The following WNT5B variants were observed in gnomAD, a reference collection of about 807,000 sequenced individuals.
The protein encoded by WNT5B is protein Wnt-5b.
A neutral mutation model predicts 36.5 loss-of-function variants in WNT5B; 18 were observed. That is an observed-to-expected ratio of 0.49 (90% CI 0.34 to 0.73). WNT5B has a LOEUF of 0.73. WNT5B is among the 30% of genes least tolerant of loss of function. WNT5B has a pLI of 0.01. For missense variants in WNT5B, 424 were observed against 508.4 expected (o/e 0.83, Z 1.60); for synonymous variants, 213 against 212.3 (o/e 1.00, Z -0.03).
chr12:1,635,393 T>G (rs929263396), intron 3 of WNT5B, among the ~76,000 whole-genome samples: 1 of 152,180 alleles, frequency 6.6e-6, no homozygotes, highest in African/African-American at 2.4e-5. Flanking sequence ...CGTAAAAGGC[T>G]TAATAGTTGT....
chr12:1,640,679 C>A (rs999309018), intron 4 of WNT5B, among the ~76,000 whole-genome samples: 1 of 152,226 alleles, frequency 6.6e-6, no homozygotes, highest in Non-Finnish European at 1.5e-5. Context: ...AGCTTCTGGG[C>A]CCCTAGGTGG....
At chr12:1,623,184 G>GGTTTTTTTTTTT (rs1272170104) in intron 1 of WNT5B, among the ~76,000 whole-genome samples, 14 of 53,514 alleles carry the variant, frequency 2.6e-4, no homozygotes, top group African/African-American at 9.6e-4. Flanking sequence ...AGGGTTTTTT[G>GGTTTTTTTTTTT]TTGTTTTTTT....
rs1174662991 is a variant in WNT5B at position 1,632,888 on chromosome 12, G to C, written c.311G>C (p.Gly104Ala). 1 of 1,611,532 alleles carries C rather than the reference G, an allele frequency of 6.2e-7. No individual in the cohort carries two copies. Among genetic ancestry groups the C allele is most frequent in the Non-Finnish European group, 8.5e-7 (1 of 1,178,040 alleles). ...ACAGCGGACAACGCATCTGTCTTTG[G>C]GAGAGTCATGCAGATAGGTAAGAGG... ...CSTADNASVF[G>A]RVMQIGSRET... The change falls in exon 3 of 5, where the codon GGG (glycine) becomes GCG (alanine). Residue 104 changes from glycine (G) to alanine (A), a missense_variant. Gly to Ala is a moderately conservative substitution (Grantham distance 60). Transcript: ENST00000397196. This position sits in a 1 kb window ranked among gnomAD's most constrained non-coding sequence, Gnocchi z 5.8.
chr12:1,617,143 G>T (rs1411693745), exon 1 of WNT5B: 1 of 152,198 alleles, frequency 6.6e-6, no homozygotes, highest in African/African-American at 2.4e-5. Context: ...ACTGGAATCA[G>T]GTGAGGCCAT....
rs745419836 is a variant in WNT5B at position 1,645,902 on chromosome 12, C to T, written c.730C>T (p.Arg244Trp). 21 of 1,611,110 alleles carry T rather than the reference C, an allele frequency of 1.3e-5. No individual in the cohort carries two copies. Among genetic ancestry groups the T allele is most frequent in the South Asian group, 8.8e-5 (8 of 91,050 alleles). Residue 244 changes from arginine (R) to tryptophan (W), a missense_variant, in exon 5 of 5, where the codon CGG (arginine) becomes TGG (tryptophan). Coordinates refer to ENST00000397196, the MANE Select transcript of WNT5B (RefSeq NM_032642.3). Reference sequence around the variant, plus strand: ...GGCCGAGTTCCGCAAGGTCGGGGACCGGCTGAAGGAGAAGTACGACAGCGC... The same window carrying T: ...GGCCGAGTTCCGCAAGGTCGGGGACTGGCTGAAGGAGAAGTACGACAGCGC... ...QLAEFRKVGDRLKEKYDSAAA... is the reference protein window; with the variant it reads ...QLAEFRKVGDWLKEKYDSAAA...
At chr12:1,643,686 C>CTTTTTTTTTTTTTT (rs368172169) in intron 4 of WNT5B, among the ~76,000 whole-genome samples, 2 of 97,446 alleles carry the variant, frequency 2.1e-5, no homozygotes, top group Non-Finnish European at 3.8e-5. Flanking sequence ...TTTTTGAAAG[C>CTTTTTTTTTTTTTT]TTTTTTTTTT....
In WNT5B at chr12:1,644,568, C is replaced by T. The variant is rs7132752; in HGVS notation, c.622-1226C>T. Among the ~76,000 whole-genome samples the T allele has an allele frequency of 0.043, 6,594 of 152,298 alleles. 211 individuals carry two copies. Among genetic ancestry groups the T allele is most frequent in the Non-Finnish European group, 0.071 (4,841 of 68,028 alleles). ...GTCTCTGCTTAGCTCTGAATAAAGA[C>T]ACAATCTGGGGGCTCTTGAAAAGAA... On this transcript the variant is annotated intron_variant, in intron 4 of 4. Coordinates refer to ENST00000397196, the MANE Select transcript of WNT5B (RefSeq NM_032642.3). The surrounding 1 kb of genome is among the most constrained non-coding windows in gnomAD (Gnocchi z 5.1).
rs75832021 is a variant in WNT5B at position 1,617,853 on chromosome 12, C to G, written c.-58+710C>G. 3.2e-3 allele frequency among the ~76,000 whole-genome samples: 487 copies of G among 152,102 alleles called. 2 individuals carry two copies. The highest frequency in any genetic ancestry group is 0.011 in the African/African-American group (466 of 41,474). On this transcript the variant is annotated intron_variant, in intron 1 of 4. Transcript: ENST00000310594. The stretch of plus-strand genomic sequence containing the variant: ...GTAAACATTGTGTTAGTCAAAGACA[C>G]TTGGGCTGGGCGCAGTGGCTCATGC...
In WNT5B at chr12:1,645,818, G is replaced by A; in HGVS notation, c.646G>A (p.Ala216Thr). The A allele has an allele frequency of 6.3e-7, 1 of 1,595,368 alleles. No homozygotes were observed. Among genetic ancestry groups the A allele is most frequent in the Non-Finnish European group, 8.6e-7 (1 of 1,168,808 alleles). The change falls in exon 5 of 5, where the codon GCC becomes ACC. Residue 216 changes from alanine to threonine, a missense_variant. Ala to Thr is a moderately conservative substitution (Grantham distance 58). Coordinates refer to ENST00000397196, the MANE Select transcript of WNT5B (RefSeq NM_032642.3). Reference protein sequence around the residue: ...RRAVYKMADVACKCHGVSGSC... With the variant: ...RRAVYKMADVTCKCHGVSGSC... ...GGCTGTGTATAAGATGGCAGACGTA[G>A]CCTGCAAATGCCACGGCGTCTCGGG...
At chr12:1,642,022 C>A (rs1351028159) in intron 4 of WNT5B, among the ~76,000 whole-genome samples, 1 of 152,132 alleles carries the variant, frequency 6.6e-6, no homozygotes, top group Admixed American at 6.5e-5. Flanking sequence ...TTCCCCTATC[C>A]AGAGGCTATT....
At chr12:1,625,979 CTTT>C (rs547219559), upstream of WNT5B, among the ~76,000 whole-genome samples, 15 of 134,388 alleles carry the variant, frequency 1.1e-4, no homozygotes, top group Non-Finnish European at 1.1e-4. Flanking sequence ...TTTTCTCTCT[CTTT>C]TTTTTTTTTT....
Position 1,645,872 on chromosome 12 carries a change from C to T in WNT5B, c.700C>T (p.Gln234Ter). The T allele has an allele frequency of 1.2e-6, 2 of 1,611,238 alleles. No individual in the cohort carries two copies. The highest frequency in any genetic ancestry group is 8.5e-7 in the Non-Finnish European group (1 of 1,179,320). ...CTGCAGCCTCAAGACCTGCTGGCTG[C>T]AGCTGGCCGAGTTCCGCAAGGTCGG... Reference protein sequence around the residue: ...GSCSLKTCWLQLAEFRKVGDR... With the variant: ...GSCSLKTCWL Residue 234 changes from glutamine (Q) to a stop codon, truncating the protein, a stop_gained, in exon 5 of 5, where the codon CAG (glutamine) becomes TAG (stop). Coordinates refer to ENST00000397196, the MANE Select transcript of WNT5B (RefSeq NM_032642.3). LOFTEE classifies it high-confidence loss of function.
At chr12:1,641,340 C>T (rs1213486142) in intron 4 of WNT5B, among the ~76,000 whole-genome samples, 3 of 146,806 alleles carry the variant, frequency 2.0e-5, no homozygotes, top group Non-Finnish European at 4.5e-5. Context: ...GAGCCTAGAT[C>T]ACACCATTGC....
At chr12:1,628,199 C>T (rs576495796), upstream of WNT5B, among the ~76,000 whole-genome samples, 1 of 151,624 alleles carries the variant, frequency 6.6e-6, no homozygotes, top group South Asian at 2.1e-4. Flanking sequence ...CTCTGTCACC[C>T]GGCTGGAGTG....
upstream of WNT5B, among the ~76,000 whole-genome samples, chr12:1,625,646 A>G (rs144197970): frequency 8.7e-4 from 133 of 152,262 alleles, no homozygotes; most frequent in Admixed American, 2.5e-3. Flanking sequence ...AAAATTGCAA[A>G]TGTACTTTTA....
At chr12:1,617,267 T>G (rs1275934773) in intron 1 of WNT5B, 1 of 151,186 alleles carries the variant, frequency 6.6e-6, no homozygotes, top group Non-Finnish European at 1.5e-5. Flanking sequence ...TTATAAATGG[T>G]GACTATGCAT....
rs758687418 is a variant in WNT5B, at chr12:1,639,664, G to T, written c.329-20G>T. The T allele has an allele frequency of 1.1e-5, 17 of 1,506,960 alleles. No homozygotes were observed. Among genetic ancestry groups the T allele is most frequent in the Middle Eastern group, 3.5e-4 (2 of 5,658 alleles). The allele number at this position is 1,506,960 out of a possible 1,614,324, so 93.3% of individuals were successfully genotyped here. ...GGAGAGGAGAGCGCACCCGCTTACC[G>T]CCCTGGCCTCATTCTGCAGGCAGCC... is the stretch of plus-strand genomic sequence containing the variant. On this transcript the variant is annotated intron_variant, in intron 3 of 4. Transcript: ENST00000397196.
At chr12:1,624,124 C>T (rs988439400) in intron 1 of WNT5B, among the ~76,000 whole-genome samples, 15 of 152,164 alleles carry the variant, frequency 9.9e-5, no homozygotes, top group African/African-American at 3.4e-4. Flanking sequence ...CCGCGGCTCA[C>T]GCCTGTAATC....
Position 1,646,030 on chromosome 12 carries a change from C to T in WNT5B, c.858C>T (p.Asp286=), listed in dbSNP as rs1425878672. The T allele has an allele frequency of 1.2e-6, 2 of 1,613,136 alleles. No individual in the cohort carries two copies. The highest frequency in any genetic ancestry group is 4.5e-5 in the East Asian group (2 of 44,886). Residue 286 remains aspartate (D), a synonymous_variant, in exon 5 of 5, where the codon GAC becomes GAT. Transcript: ENST00000397196. ...EDLVYVDPSP[D]YCLRNESTGS... ...TGGTCTATGTGGACCCCAGCCCCGA[C>T]TACTGCCTGCGCAACGAGAGCACGG...
Sources: allele counts gnomAD v4.1 joint callset (sites outside exome capture counted in the v4.1 genomes callset), GRCh38; gene constraint gnomAD v4.1.1; non-coding constraint Gnocchi (gnomAD v3.1); transcripts MANE v1.5; gene names NCBI Gene and HGNC (gene_info 2026-07-23, HGNC 2026-07-21).